MYH14: variants seen among roughly 807,000 people sequenced by gnomAD.
The protein encoded by MYH14 is myosin heavy chain 14, also known as myosin-14.
MYH14 carries 123 observed loss-of-function variants against 255.5 expected under a neutral mutation model. The observed-to-expected ratio is 0.48, with a 90% CI of 0.42 to 0.56. The LOEUF (loss-of-function observed/expected upper bound fraction) is 0.56, where lower values mean the gene tolerates loss of function less well. Ranked by LOEUF, MYH14 falls within the 20% of genes least tolerant of loss-of-function variation. The pLI is 0.00. For synonymous variants in MYH14, 1,095 were observed against 1,161.2 expected (o/e 0.94, Z 1.16); for missense variants, 2,423 against 2,802.3 (o/e 0.86, Z 3.06).
In MYH14 at chr19:50,278,157, C is replaced by A. The variant is rs766290176; in HGVS notation, c.3900C>A (p.Ser1300Arg). The A allele has an allele frequency of 2.5e-6, 4 of 1,612,248 alleles. No individual in the cohort carries two copies. The highest frequency in any genetic ancestry group is 3.4e-6 in the Non-Finnish European group (4 of 1,178,872). Residue 1300 changes from serine to arginine, a missense_variant, in exon 30 of 43, where the codon AGC becomes AGA. Transcript: ENST00000642316. ...EVSELRAELS[S>R]LQTARQEGEQ... Reference sequence around the variant, plus strand: ...CCGAGCTGCGGGCAGAACTGAGCAGCCTGCAGACTGCACGTCAGGAGGGTG... The same window carrying A: ...CCGAGCTGCGGGCAGAACTGAGCAGACTGCAGACTGCACGTCAGGAGGGTG...
rs577687106 is a variant in MYH14 at position 50,281,712 on chromosome 19, C to G, written c.4409C>G (p.Thr1470Arg). The G allele has an allele frequency of 6.2e-7, 1 of 1,612,490 alleles. No homozygotes were observed. Among genetic ancestry groups the G allele is most frequent in the Admixed American group, 1.7e-5 (1 of 59,988 alleles). ...CTGACCCAGCGCCTGGCAGAAAAGA[C>G]AGAGACCGTGGATCGGCTGGAGCGG... ...EALTQRLAEK[T>R]ETVDRLERGR... Residue 1470 changes from threonine to arginine, a missense_variant, in exon 33 of 43, where the codon ACA becomes AGA. Physicochemically the swap from Thr to Arg is moderately conservative, Grantham distance 71. Around this residue, in one of 3 missense-constraint regions of MYH14, gnomAD observed 1,513 missense variants for 1,674.8 expected, o/e 0.90. Transcript: ENST00000642316.
At chr19:50,224,038 G>GT in intron 5 of MYH14, 116 bp from the exon 6 acceptor site, 6 of 355,466 alleles carry the variant, frequency 1.7e-5, no homozygotes, top group Middle Eastern at 7.7e-4. Flanking sequence ...GGTTTCCCCA[G>GT]TCCCCCTTCC....
intron 3 of MYH14, among the ~76,000 whole-genome samples, chr19:50,219,516 G>A (rs1238771794): frequency 3.9e-5 from 6 of 152,078 alleles, no homozygotes; most frequent in Non-Finnish European, 7.4e-5. Flanking sequence ...CTCTTTCTCC[G>A]AACAATATTG....
rs961571645 is a variant in MYH14, at chr19:50,280,265, C to A, written c.4172C>A (p.Ala1391Asp). ...LLQEETRAKL[A>D]LGSRVRAMEA... Reference sequence around the variant, plus strand: ...CAGGAGGAGACCAGGGCGAAATTGGCCTTGGGGTCCCGGGTGCGAGCCATG... The same window carrying A: ...CAGGAGGAGACCAGGGCGAAATTGGACTTGGGGTCCCGGGTGCGAGCCATG... Residue 1391 changes from alanine to aspartate, a missense_variant, in exon 32 of 43, where the codon GCC becomes GAC. By Grantham distance (126) the Ala-to-Asp change is moderately radical. Around this residue, in one of 3 missense-constraint regions of MYH14, gnomAD observed 1,513 missense variants for 1,674.8 expected, o/e 0.90. Transcript: ENST00000642316. This position sits in a 1 kb window ranked among gnomAD's most constrained non-coding sequence, Gnocchi z 4.8. 3 of 1,551,550 alleles carry A rather than the reference C, an allele frequency of 1.9e-6. No homozygotes were observed. In the African/African-American group the frequency reaches 4.1e-5, roughly 21 times the overall value.
At chr19:50,214,283 G>A (rs2123170875) in intron 2 of MYH14, among the ~76,000 whole-genome samples, 1 of 152,314 alleles carries the variant, frequency 6.6e-6, no homozygotes, top group East Asian at 1.9e-4. Context: ...TGTTACAGGT[G>A]TGATTCAAAC....
intron 22 of MYH14, among the ~76,000 whole-genome samples, chr19:50,263,864 C>G (rs1469133600): frequency 6.6e-6 from 1 of 151,880 alleles, no homozygotes; most frequent in Non-Finnish European, 1.5e-5. Context: ...CGAGACCAGC[C>G]TGGCCAATAT....
At chr19:50,251,688 C>T (rs1363813777) in intron 15 of MYH14, among the ~76,000 whole-genome samples, 1 of 152,088 alleles carries the variant, frequency 6.6e-6, no homozygotes, top group Non-Finnish European at 1.5e-5. Flanking sequence ...AGCAATTCTT[C>T]TGCCTCAGCC....
At chr19:50,231,327 C>T (rs1327126242) in intron 9 of MYH14, among the ~76,000 whole-genome samples, 3 of 152,260 alleles carry the variant, frequency 2.0e-5, no homozygotes, top group Non-Finnish European at 1.5e-5. Context: ...CTGACTTGGG[C>T]CTGCAGCCCC....
chr19:50,237,426 A>C (rs927943848), intron 10 of MYH14, among the ~76,000 whole-genome samples: 10 of 151,996 alleles, frequency 6.6e-5, no homozygotes, highest in African/African-American at 2.4e-4. Flanking sequence ...CCCGGGTTCA[A>C]ACAATTCTCC....
chr19:50,309,879 C>T lies in MYH14; in HGVS notation c.*89C>T, dbSNP rs2036800320. On this transcript the variant is annotated 3_prime_UTR_variant, in exon 43 of 43. Transcript: ENST00000642316. Reference sequence around the variant, plus strand: ...GGGCCCCTGTCCCAGGAACCCCGCCCTCTGACTTCTTGCCCTTTGGAAATG... The same window carrying T: ...GGGCCCCTGTCCCAGGAACCCCGCCTTCTGACTTCTTGCCCTTTGGAAATG... 1.5e-6 allele frequency: 2 copies of T among 1,362,436 alleles called. No individual in the cohort carries two copies. Among genetic ancestry groups the T allele is most frequent in the Non-Finnish European group, 1.0e-6 (1 of 975,436 alleles). The allele number at this position is 1,362,436 out of a possible 1,614,324, so 84.4% of individuals were successfully genotyped here.
chr19:50,294,736 CA>C (rs34861983), intron 39 of MYH14, among the ~76,000 whole-genome samples: 4 of 146,030 alleles, frequency 2.7e-5, no homozygotes, highest in African/African-American at 5.1e-5. Context: ...GACCCTGTCT[CA>C]AAAAAAAAAG....
In MYH14 at chr19:50,276,261, G is replaced by T. The variant is rs528657612; in HGVS notation, c.3680+58G>T. 111 of 1,285,566 alleles carry T rather than the reference G, an allele frequency of 8.6e-5. 1 individual carries two copies. In the East Asian group the frequency reaches 2.5e-3, roughly 29 times the overall value. 79.6% of individuals were successfully genotyped at this position (1,285,566 alleles called of 1,614,324 possible). On this transcript the variant is annotated intron_variant, in intron 28 of 42. Transcript: ENST00000642316. The surrounding 1 kb of genome is among the most constrained non-coding windows in gnomAD (Gnocchi z 4.3). The stretch of plus-strand genomic sequence containing the variant: ...TGTGCACATACAGGGCTGGGGGAAG[G>T]ACTTAGGTACAAAGTCTCTGTCTAT...
At chr19:50,285,246 G>A (rs788328) in intron 33 of MYH14, 80,161 of 151,864 alleles carry the variant, frequency 0.53, 23,437 homozygotes, top group African/African-American at 0.79. Context: ...TTGCATTTCC[G>A]TATGTATTTT....
intron 23 of MYH14, 121 bp from the exon 24 acceptor site, chr19:50,268,040 G>A (rs2035153427): frequency 7.9e-7 from 1 of 1,270,476 alleles, no homozygotes; most frequent in Non-Finnish European, 1.1e-6. Flanking sequence ...GTGTCCTCCT[G>A]CCCCTCAGTC....
At chr19:50,287,895 TAC>T (rs141417074) in intron 34 of MYH14, among the ~76,000 whole-genome samples, 28 of 148,782 alleles carry the variant, frequency 1.9e-4, no homozygotes, top group South Asian at 1.7e-3. Flanking sequence ...ATAACACACA[TAC>T]ACACACACAC....
intron 41 of MYH14, chr19:50,308,324 C>G (rs760695924): frequency 3.3e-5 from 5 of 152,244 alleles, no homozygotes; most frequent in Admixed American, 6.5e-5. Context: ...TAGAGTTTAA[C>G]TTCTTCCCTC....
rs1378102583 is a variant in MYH14, at chr19:50,310,356, C to T, written c.*566C>T. The T allele has an allele frequency of 6.0e-6, 1 of 165,546 alleles. No individual in the cohort carries two copies. Among genetic ancestry groups the T allele is most frequent in the Non-Finnish European group, 1.3e-5 (1 of 77,570 alleles). 10.3% of individuals were successfully genotyped at this position (165,546 alleles called of 1,614,324 possible). A position where few individuals can be genotyped will look rare whatever the true frequency, so the allele number is the denominator to read the frequency against. On this transcript the variant is annotated 3_prime_UTR_variant, in exon 43 of 43. Transcript: ENST00000642316. ...CCTGAGCGACAGAAGCCCCAGGCCT[C>T]CACCAGCCTTGAACCCTTGCAAAGG...
intron 5 of MYH14, among the ~76,000 whole-genome samples, 184 bp from the exon 6 acceptor site, chr19:50,223,970 T>C (rs148220058): frequency 7.1e-4 from 108 of 151,978 alleles, no homozygotes; most frequent in African/African-American, 2.5e-3. Flanking sequence ...ATAAAGGAGG[T>C]AGAGTGGGAT....
chr19:50,291,189 A>C, intron 36 of MYH14, 141 bp downstream of exon 36: 1 of 615,604 alleles, frequency 1.6e-6, no homozygotes, highest in Non-Finnish European at 2.6e-6. Context: ...CTTTATAAAC[A>C]TCCATGCCCC....
Sources: allele counts gnomAD v4.1 joint callset (sites outside exome capture counted in the v4.1 genomes callset), GRCh38; gene constraint gnomAD v4.1.1; regional missense constraint gnomAD v4.1.1; non-coding constraint Gnocchi (gnomAD v3.1); transcripts MANE v1.5; gene names NCBI Gene and HGNC (gene_info 2026-07-23, HGNC 2026-07-21).